The following NPHP1 variants were observed in gnomAD, a reference collection of about 807,000 sequenced individuals.
NPHP1 encodes the protein nephrocystin 1.
Under a neutral mutation model 90.4 loss-of-function variants are expected in NPHP1, and 70 were observed. The observed-to-expected ratio is 0.77, with a 90% CI of 0.64 to 0.95. The LOEUF is 0.95. Among genes scored for constraint, NPHP1 ranks in the 40% least tolerant of loss-of-function variants. The probability of loss-of-function intolerance (pLI) is 0.00; values close to 1 mark genes in which losing one functional copy is unlikely to be tolerated. For synonymous variants in NPHP1, 256 were observed against 271.7 expected (o/e 0.94, Z 0.57); for missense variants, 764 against 795.9 (o/e 0.96, Z 0.48).
intron 12 of NPHP1, among the ~76,000 whole-genome samples, chr2:110,149,710 T>C (rs1379599151): frequency 1.3e-5 from 2 of 152,142 alleles, no homozygotes; most frequent in Non-Finnish European, 2.9e-5. Flanking sequence ...CAATTGATAC[T>C]ATAAAAACAA....
intron 11 of NPHP1, among the ~76,000 whole-genome samples, chr2:110,159,453 T>TTAAAAA: frequency 6.6e-6 from 1 of 152,152 alleles, no homozygotes; most frequent in African/African-American, 2.4e-5. Context: ...ATAGGTTTAA[T>TTAAAAA]ATCTTTACCA....
At chr2:110,174,451 T>G (rs142551033) in intron 4 of NPHP1, among the ~76,000 whole-genome samples, 412 of 152,312 alleles carry the variant, frequency 2.7e-3, no homozygotes, top group African/African-American at 9.3e-3. Flanking sequence ...AATTTAAATA[T>G]CACATTTCAC....
chr2:110,167,499 G>C (rs970178410), intron 6 of NPHP1, among the ~76,000 whole-genome samples: 14 of 152,232 alleles, frequency 9.2e-5, no homozygotes, highest in African/African-American at 3.4e-4. Flanking sequence ...ACACAGCGAA[G>C]TGCTGGGAAG....
chr2:110,125,645 A>C lies in NPHP1; in HGVS notation c.1753T>G (p.Ser585Ala). Residue 585 changes from serine to alanine, a missense_variant, in exon 19 of 20, where the codon TCA becomes GCA. By Grantham distance (99) the Ser-to-Ala change is moderately conservative. Transcript: ENST00000445609. ...GGAGACTCATATTTTACCTTCTCTGATCTTTTTAATGTGCTTTCTTTTCCA... is the reference window on the plus strand; with the variant it reads ...GGAGACTCATATTTTACCTTCTCTGCTCTTTTTAATGTGCTTTCTTTTCCA... Reference protein sequence around the residue: ...WAGKESTLKRSEKRDKEFLKS... With the variant: ...WAGKESTLKRAEKRDKEFLKS... 6.2e-7 allele frequency: 1 copy of C among 1,613,174 alleles called. No individual in the cohort carries two copies. Among genetic ancestry groups the C allele is most frequent in the Non-Finnish European group, 8.5e-7 (1 of 1,179,250 alleles).
intron 2 of NPHP1, among the ~76,000 whole-genome samples, chr2:110,183,255 C>T (rs767937338): frequency 1.3e-5 from 2 of 152,062 alleles, no homozygotes; most frequent in African/African-American, 2.4e-5. Context: ...TGTGGGTTTA[C>T]CAGAATGAGG....
intron 10 of NPHP1, among the ~76,000 whole-genome samples, chr2:110,160,537 A>G (rs1682233984): frequency 6.6e-6 from 1 of 152,202 alleles, no homozygotes; most frequent in Non-Finnish European, 1.5e-5. Flanking sequence ...TATATGATCT[A>G]TGACTATAGA....
At chr2:110,171,287 C>T (rs1279417959) in intron 4 of NPHP1, among the ~76,000 whole-genome samples, 3 of 152,174 alleles carry the variant, frequency 2.0e-5, no homozygotes, top group Non-Finnish European at 2.9e-5. Context: ...GTGTGACAGA[C>T]ACTATGTGCT....
chr2:110,172,895 C>T lies in NPHP1; in HGVS notation c.330-2897G>A, dbSNP rs779960543. Among the ~76,000 whole-genome samples the T allele has an allele frequency of 3.4e-4, 51 of 152,068 alleles. 1 individual carries two copies. The highest frequency in any genetic ancestry group is 7.1e-4 in the Non-Finnish European group (48 of 67,976). On this transcript the variant is annotated intron_variant, in intron 4 of 19. Coordinates refer to ENST00000445609, the MANE Select transcript of NPHP1 (RefSeq NM_001128178.3). ...ATTGCCACTGTTATATTTTCTTTGACTCACAGTTTATATAGAAGTGTGTGA... is the reference window on the plus strand; with the variant it reads ...ATTGCCACTGTTATATTTTCTTTGATTCACAGTTTATATAGAAGTGTGTGA...
rs556980029 is a variant in NPHP1, at chr2:110,183,973, A to G, written c.144-4289T>C. 7.5e-5 allele frequency: 26 copies of G among 344,770 alleles called. No homozygotes were observed. The East Asian group carries it at 1.7e-3, about 23-fold the overall frequency. The allele number at this position is 344,770 out of a possible 1,614,324, so 21.4% of individuals were successfully genotyped here. A position where few individuals can be genotyped will look rare whatever the true frequency, so the allele number is the denominator to read the frequency against. On this transcript the variant is annotated intron_variant, in intron 2 of 19. Coordinates refer to ENST00000445609, the MANE Select transcript of NPHP1 (RefSeq NM_001128178.3). The stretch of plus-strand genomic sequence containing the variant: ...AAACAGACCAAAATGCAATCAAATT[A>G]GAACTCAAGATTAAGAAATTCATGA...
intron 11 of NPHP1, among the ~76,000 whole-genome samples, chr2:110,153,530 G>GT (rs1559065862): frequency 6.6e-6 from 1 of 152,080 alleles, no homozygotes; most frequent in Non-Finnish European, 1.5e-5. Context: ...CTAAAGGAAG[G>GT]TAAGGTTTTA....
intron 16 of NPHP1, among the ~76,000 whole-genome samples, chr2:110,137,366 C>A (rs1246379214): frequency 3.9e-5 from 6 of 152,152 alleles, no homozygotes; most frequent in Non-Finnish European, 7.4e-5. Flanking sequence ...GCAAAAGAAA[C>A]TACCATCAGA....
chr2:110,135,387 G>A (rs1680098721), intron 16 of NPHP1, among the ~76,000 whole-genome samples: 1 of 144,632 alleles, frequency 6.9e-6, no homozygotes. Flanking sequence ...TGAGGCAGGA[G>A]AATGGCGTGA....
chr2:110,168,871 T>G (rs1341972791), intron 5 of NPHP1, among the ~76,000 whole-genome samples: 1 of 152,142 alleles, frequency 6.6e-6, no homozygotes, highest in African/African-American at 2.4e-5. Flanking sequence ...AAAATTCAAT[T>G]ACTGCGTAAA....
chr2:110,171,224 T>G (rs1366076376), intron 4 of NPHP1, among the ~76,000 whole-genome samples: 1 of 152,144 alleles, frequency 6.6e-6, no homozygotes, highest in African/African-American at 2.4e-5. Flanking sequence ...CTTTCTGAAT[T>G]TTATTTACTC....
At chr2:110,192,233 C>T (rs559180071) in intron 2 of NPHP1, among the ~76,000 whole-genome samples, 171 of 152,086 alleles carry the variant, frequency 1.1e-3, no homozygotes, top group South Asian at 2.9e-3. Flanking sequence ...AGTTCGAACC[C>T]GTGGAAAACA....
chr2:110,154,850 A>G (rs1681770097), intron 11 of NPHP1, among the ~76,000 whole-genome samples: 1 of 152,156 alleles, frequency 6.6e-6, no homozygotes, highest in South Asian at 2.1e-4. Context: ...CAACCTGACA[A>G]TGCGATAGAA....
intron 9 of NPHP1, among the ~76,000 whole-genome samples, chr2:110,162,282 A>G (rs1682401086): frequency 6.6e-6 from 1 of 152,156 alleles, no homozygotes; most frequent in South Asian, 2.1e-4. Context: ...CAAATAAATA[A>G]AATAATTATT....
Position 110,178,444 on chromosome 2 carries a change from A to G in NPHP1, c.308T>C (p.Ile103Thr), listed in dbSNP as rs780578104. The change falls in exon 4 of 20, where the codon ATA (isoleucine) becomes ACA (threonine). Residue 103 changes from isoleucine (I) to threonine (T), a missense_variant. Ile to Thr is a moderately conservative substitution (Grantham distance 89, BLOSUM62 -1). Transcript: ENST00000445609. ...ATACTCAGTTATATTTTCTCTGCTT[A>G]TTGTCACAGCAAGGCCCTGCAGTTG... ...TQQLQGLAVT[I>T]SRENITEVGA... is the part of the protein sequence containing the mutation. The G allele has an allele frequency of 4.6e-5, 75 of 1,613,806 alleles. No individual in the cohort carries two copies. The highest frequency in any genetic ancestry group is 6.1e-5 in the Non-Finnish European group (72 of 1,179,906).
At chr2:110,164,650 C>T (rs764086072) in intron 8 of NPHP1, 38 bp downstream of exon 8, 1 of 1,613,728 alleles carries the variant, frequency 6.2e-7, no homozygotes, top group Non-Finnish European at 8.5e-7. Context: ...TATTAGGTAG[C>T]AAAACGAGAC....
Sources: gnomAD v4.1 joint callset for allele counts (sites outside exome capture counted in the v4.1 genomes callset) on GRCh38, gnomAD v4.1.1 for gene constraint, MANE v1.5 for transcripts, NCBI Gene and HGNC (gene_info 2026-07-23, HGNC 2026-07-21) for gene names.